Variants in TDRP observed in about 807,000 individuals in gnomAD.
The protein encoded by TDRP is testis development-related protein.
Under a neutral mutation model 10.5 loss-of-function variants are expected in TDRP, and 12 were observed. That is an observed-to-expected ratio of 1.15 (90% confidence interval 0.73 to 1.86). TDRP has a LOEUF of 1.86. Among genes scored for constraint, TDRP ranks in the 40% most tolerant of loss-of-function variants. The pLI is 0.00. For synonymous variants in TDRP, 139 were observed against 95.4 expected, an observed-to-expected ratio of 1.46 and a Z score of -2.67; for missense variants, 353 against 229.2, an observed-to-expected ratio of 1.54 and a Z score of -3.49.
intron 1 of TDRP, among the ~76,000 whole-genome samples, chr8:495,741 A>G (rs1227034740): frequency 6.6e-6 from 1 of 152,238 alleles, no homozygotes; most frequent in Non-Finnish European, 1.5e-5. Flanking sequence ...GCAGCATGAC[A>G]CTGATCCGAG....
intron 1 of TDRP, among the ~76,000 whole-genome samples, chr8:543,863 GA>G (rs1183616628): frequency 7.3e-6 from 1 of 137,520 alleles, no homozygotes; most frequent in African/African-American, 2.7e-5. Flanking sequence ...TTATGATCCA[GA>G]ATGCTGGATT....
chr8:529,966 C>T (rs567552302), intron 1 of TDRP, among the ~76,000 whole-genome samples: 1 of 152,200 alleles, frequency 6.6e-6, no homozygotes, highest in South Asian at 2.1e-4. Context: ...TTCAAATAAG[C>T]TCTCTACTCC....
chr8:523,789 C>T (rs984753338), intron 1 of TDRP, among the ~76,000 whole-genome samples: 1 of 152,136 alleles, frequency 6.6e-6, no homozygotes, highest in East Asian at 1.9e-4. Flanking sequence ...TAGAATAGAG[C>T]ACCAGGTTGA....
rs1334690634 is a variant in TDRP, at chr8:544,800, G to C, written c.-43C>G. 1.7e-6 allele frequency: 2 copies of C among 1,208,818 alleles called. No homozygotes were observed. The highest frequency in any genetic ancestry group is 2.1e-6 in the Non-Finnish European group (2 of 967,138). 74.9% of individuals were successfully genotyped at this position (1,208,818 alleles called of 1,614,324 possible). A position where few individuals can be genotyped will look rare whatever the true frequency, so the allele number is the denominator to read the frequency against. On this transcript the variant is annotated 5_prime_UTR_variant, in exon 1 of 3. Coordinates refer to ENST00000324079, the MANE Select transcript of TDRP (RefSeq NM_001384899.1). Reference sequence around the variant, plus strand: ...CGTCCCTCCGTCCGTGCGTCGGGCTGTGGCTCCGCGTCCCTCCCGGCCGCC... The same window carrying C: ...CGTCCCTCCGTCCGTGCGTCGGGCTCTGGCTCCGCGTCCCTCCCGGCCGCC...
chr8:504,698 G>A (rs1302295845), intron 1 of TDRP, among the ~76,000 whole-genome samples: 1 of 152,180 alleles, frequency 6.6e-6, no homozygotes, highest in Non-Finnish European at 1.5e-5. Context: ...TACAATTTGG[G>A]TCAACAGACT....
intron 1 of TDRP, among the ~76,000 whole-genome samples, chr8:502,846 T>C (rs1390629722): frequency 7.5e-6 from 1 of 132,736 alleles, no homozygotes. Flanking sequence ...GAGCCACACA[T>C]CAGAACCAAT....
chr8:516,188 T>C (rs945930276), intron 1 of TDRP, among the ~76,000 whole-genome samples: 8 of 152,134 alleles, frequency 5.3e-5, no homozygotes, highest in African/African-American at 1.7e-4. Flanking sequence ...GAAGAAAACA[T>C]ACAGGTCTCA....
In TDRP at chr8:491,430, A is replaced by G. The variant is rs117177894; in HGVS notation, c.*969T>C. 0.028 allele frequency: 14,628 copies of G among 531,502 alleles called. 276 individuals carry two copies. The highest frequency in any genetic ancestry group is 0.039 in the Middle Eastern group (113 of 2,884). 32.9% of individuals were successfully genotyped at this position (531,502 alleles called of 1,614,324 possible). A position where few individuals can be genotyped will look rare whatever the true frequency, so the allele number is the denominator to read the frequency against. ...TTGTCAAGGACAGTAAGCAGACAGA[A>G]AAAGAACGCGAGAGATGCTCTCAAA... On this transcript the variant is annotated 3_prime_UTR_variant, in exon 3 of 3. Coordinates refer to ENST00000324079, the MANE Select transcript of TDRP (RefSeq NM_001384899.1).
At chr8:541,213 T>C (rs1305134499) in intron 1 of TDRP, among the ~76,000 whole-genome samples, 6 of 152,236 alleles carry the variant, frequency 3.9e-5, no homozygotes, top group Non-Finnish European at 8.8e-5. Flanking sequence ...ATAAGACTAA[T>C]CTGTCATAAT....
chr8:514,062 C>T (rs1004943679), intron 1 of TDRP, among the ~76,000 whole-genome samples: 10 of 152,188 alleles, frequency 6.6e-5, no homozygotes, highest in African/African-American at 1.9e-4. Flanking sequence ...TATCACAATA[C>T]CAGCTGATTC....
chr8:494,458 C>T, intron 2 of TDRP, 36 bp downstream of exon 2: 4 of 1,595,230 alleles, frequency 2.5e-6, no homozygotes, highest in African/African-American at 1.3e-5. Flanking sequence ...CCTCCCTCTC[C>T]TGAAATGATC....
intron 1 of TDRP, among the ~76,000 whole-genome samples, chr8:524,290 T>A (rs1273835325): frequency 6.6e-6 from 1 of 152,062 alleles, no homozygotes; most frequent in Non-Finnish European, 1.5e-5. Flanking sequence ...AACACCCAAG[T>A]CCCTTTGAAT....
rs139910751 is a variant in TDRP at position 529,680 on chromosome 8, G to C, written c.108+14970C>G. Among the ~76,000 whole-genome samples the C allele has an allele frequency of 4.1e-4, 63 of 152,240 alleles. 1 individual carries two copies. Among genetic ancestry groups the C allele is most frequent in the Middle Eastern group, 6.8e-3 (2 of 294 alleles). ...TGTATTTTTATTTTTAACAACACTT[G>C]AACTGTATCACCCCACTCCCTTTTG... On this transcript the variant is annotated intron_variant, in intron 1 of 2. Transcript: ENST00000324079.
At chr8:523,551 G>C (rs140153066) in intron 1 of TDRP, among the ~76,000 whole-genome samples, 2 of 152,268 alleles carry the variant, frequency 1.3e-5, no homozygotes, top group African/African-American at 2.4e-5. Flanking sequence ...ACTTGCCCTG[G>C]GCCAAAGGGG....
In TDRP at chr8:491,312, C is replaced by G. The variant is rs766707641; in HGVS notation, c.*1087G>C. 3.3e-5 allele frequency: 10 copies of G among 300,952 alleles called. No homozygotes were observed. The highest frequency in any genetic ancestry group is 6.4e-5 in the African/African-American group (3 of 46,578). The allele number at this position is 300,952 out of a possible 1,614,324, so 18.6% of individuals were successfully genotyped here. On this transcript the variant is annotated 3_prime_UTR_variant, in exon 3 of 3. Coordinates refer to ENST00000324079, the MANE Select transcript of TDRP (RefSeq NM_001384899.1). ...AGAAAAATATACCTTTTCTTTCAAACCACTTTTATCTAAGAGATATCTGCA... is the reference window on the plus strand; with the variant it reads ...AGAAAAATATACCTTTTCTTTCAAAGCACTTTTATCTAAGAGATATCTGCA...
At chr8:538,905 G>A (rs535847426) in intron 1 of TDRP, among the ~76,000 whole-genome samples, 25 of 152,324 alleles carry the variant, frequency 1.6e-4, no homozygotes, top group Admixed American at 4.6e-4. Flanking sequence ...TGGTTGGAAC[G>A]TAAACCAGGA....
intron 1 of TDRP, among the ~76,000 whole-genome samples, chr8:538,254 C>T (rs1211933623): frequency 1.3e-5 from 2 of 152,146 alleles, no homozygotes; most frequent in African/African-American, 4.8e-5. Flanking sequence ...GCCAAGAACT[C>T]AGACATCAAG....
intron 1 of TDRP, among the ~76,000 whole-genome samples, chr8:519,597 G>A (rs372066822): frequency 4.8e-4 from 73 of 151,862 alleles, no homozygotes; most frequent in African/African-American, 1.6e-3. Context: ...TCAGCCCCTC[G>A]TGACCACCAT....
intron 1 of TDRP, among the ~76,000 whole-genome samples, chr8:537,678 A>G (rs183196981): frequency 3.3e-5 from 5 of 152,266 alleles, no homozygotes; most frequent in Admixed American, 2.0e-4. Context: ...TGACTCCTTT[A>G]AAGTCGAATG....
Sources: allele counts gnomAD v4.1 joint callset (sites outside exome capture counted in the v4.1 genomes callset), GRCh38; gene constraint gnomAD v4.1.1; transcripts MANE v1.5; gene names NCBI Gene and HGNC (gene_info 2026-07-23, HGNC 2026-07-21).